Variants in KCNB2 observed in about 807,000 individuals in gnomAD.
KCNB2 encodes potassium voltage-gated channel subfamily B member 2.
Under a neutral mutation model 61.5 loss-of-function variants are expected in KCNB2, and 15 were observed. That is an observed-to-expected ratio of 0.24 (90% CI 0.16 to 0.38). The LOEUF (loss-of-function observed/expected upper bound fraction) is 0.38, where lower values mean the gene tolerates loss of function less well. KCNB2 is among the 10% of genes least tolerant of loss of function. KCNB2 has a pLI of 1.00. For synonymous variants in KCNB2, 457 were observed against 446.0 expected, an observed-to-expected ratio of 1.02 and a Z score of -0.31; for missense variants, 828 against 1,125.2, an observed-to-expected ratio of 0.74 and a Z score of 3.78.
At chr8:72,777,538 A>C (rs1372174847) in intron 2 of KCNB2, among the ~76,000 whole-genome samples, 1 of 152,172 alleles carries the variant, frequency 6.6e-6, no homozygotes, top group Non-Finnish European at 1.5e-5. Context: ...CTTGGTTTAT[A>C]AACTTGGTGT....
chr8:72,670,173 A>G (rs542040251), intron 2 of KCNB2, among the ~76,000 whole-genome samples: 1 of 152,322 alleles, frequency 6.6e-6, no homozygotes, highest in South Asian at 2.1e-4. Flanking sequence ...CAAGAGATTC[A>G]ATTGTGCTCA....
chr8:72,668,105 G>T (rs1049258736), intron 2 of KCNB2, among the ~76,000 whole-genome samples: 2 of 152,196 alleles, frequency 1.3e-5, no homozygotes, highest in African/African-American at 4.8e-5. Flanking sequence ...GGAGAAACCA[G>T]CCATGAACTT....
chr8:72,829,077 A>G (rs1809646325), intron 2 of KCNB2, among the ~76,000 whole-genome samples: 1 of 152,176 alleles, frequency 6.6e-6, no homozygotes, highest in Non-Finnish European at 1.5e-5. Context: ...TGACCAGAGA[A>G]GATTCTAAAT....
chr8:72,626,110 A>G (rs930174379), intron 2 of KCNB2, among the ~76,000 whole-genome samples: 1 of 152,232 alleles, frequency 6.6e-6, no homozygotes, highest in Non-Finnish European at 1.5e-5. Context: ...TCAAAGTCAC[A>G]TTCATGAACA....
At chr8:72,659,925 T>G (rs1007685647) in intron 2 of KCNB2, among the ~76,000 whole-genome samples, 8 of 152,232 alleles carry the variant, frequency 5.3e-5, no homozygotes, top group Admixed American at 1.3e-4. Flanking sequence ...CTTTAATGTA[T>G]TTTTACTTTA....
chr8:72,579,285 A>T (rs924918014), intron 2 of KCNB2, among the ~76,000 whole-genome samples: 3 of 152,070 alleles, frequency 2.0e-5, no homozygotes, highest in African/African-American at 7.2e-5. Context: ...ATCAGACTTC[A>T]TATTTATTTT....
intron 2 of KCNB2, among the ~76,000 whole-genome samples, chr8:72,598,578 A>T (rs897370645): frequency 8.5e-5 from 13 of 152,198 alleles, no homozygotes; most frequent in African/African-American, 3.1e-4. Flanking sequence ...CCTATTCAAC[A>T]TAGTGTTGGA....
At chr8:72,718,277 C>G (rs2128992500) in intron 2 of KCNB2, among the ~76,000 whole-genome samples, 1 of 152,272 alleles carries the variant, frequency 6.6e-6, no homozygotes, top group South Asian at 2.1e-4. Context: ...GGATCTAGAA[C>G]TAGAAATACC....
Position 72,561,790 on chromosome 8 carries a change from C to CAT in KCNB2, c.-93-5839_-93-5838dup, listed in dbSNP as rs11469723. On this transcript the variant is annotated intron_variant, in intron 1 of 2. Coordinates refer to ENST00000523207, the MANE Select transcript of KCNB2 (RefSeq NM_004770.3). The stretch of plus-strand genomic sequence containing the variant: ...ATATATATATATGGATATATATATA[C>CAT]ATATATATATATATGAATGATAGTT... Among the ~76,000 whole-genome samples, 58 of 40,368 alleles carry CAT rather than the reference C, an allele frequency of 1.4e-3. 7 individuals carry two copies. Among genetic ancestry groups the CAT allele is most frequent in the African/African-American group, 4.5e-3 (38 of 8,414 alleles). 26.5% of individuals were successfully genotyped at this position (40,368 alleles called of 152,430 possible).
intron 2 of KCNB2, among the ~76,000 whole-genome samples, chr8:72,817,850 T>C (rs1809427681): frequency 6.6e-6 from 1 of 152,172 alleles, no homozygotes; most frequent in South Asian, 2.1e-4. Context: ...AATGTTTTTA[T>C]GCTCATTCTC....
chr8:72,643,258 G>A (rs1036640621), intron 2 of KCNB2, among the ~76,000 whole-genome samples: 1 of 152,154 alleles, frequency 6.6e-6, no homozygotes, highest in African/African-American at 2.4e-5. Context: ...CGAACTTCTC[G>A]TATGTGCCAG....
chr8:72,839,607 T>C (rs1809843917), intron 2 of KCNB2, among the ~76,000 whole-genome samples: 1 of 39,404 alleles, frequency 2.5e-5, no homozygotes, highest in Non-Finnish European at 5.3e-5. Context: ...TTCTTTTTTT[T>C]TTTTTTTTTT....
chr8:72,680,187 A>T (rs1194595428), intron 2 of KCNB2, among the ~76,000 whole-genome samples: 1 of 152,194 alleles, frequency 6.6e-6, no homozygotes, highest in Non-Finnish European at 1.5e-5. Flanking sequence ...CCTGTGCTAC[A>T]GGGAATGAAC....
At chr8:72,631,362 T>C (rs964759155) in intron 2 of KCNB2, among the ~76,000 whole-genome samples, 1 of 152,228 alleles carries the variant, frequency 6.6e-6, no homozygotes, top group Non-Finnish European at 1.5e-5. Context: ...AATCTGTTTA[T>C]GCCTCTCTCC....
At chr8:72,795,826 T>G (rs963947536) in intron 2 of KCNB2, among the ~76,000 whole-genome samples, 1 of 152,176 alleles carries the variant, frequency 6.6e-6, no homozygotes, top group African/African-American at 2.4e-5. Flanking sequence ...AACATATTCC[T>G]GTTATTCTTC....
chr8:72,589,549 C>T (rs1563531812), intron 2 of KCNB2, among the ~76,000 whole-genome samples: 1 of 152,146 alleles, frequency 6.6e-6, no homozygotes, highest in Non-Finnish European at 1.5e-5. Flanking sequence ...GGATACTCTA[C>T]TTCCTGCCAT....
At chr8:72,862,111 G>A (rs1397251671) in intron 2 of KCNB2, among the ~76,000 whole-genome samples, 1 of 152,150 alleles carries the variant, frequency 6.6e-6, no homozygotes, top group East Asian at 1.9e-4. Context: ...CAGGCTGATG[G>A]ACAGAGCAAG....
In KCNB2 at chr8:72,617,028, A is replaced by G. The variant is rs11990575; in HGVS notation, c.579+48715A>G. ...CACACCTCGAGCCAGGTGTCTGCTC[A>G]ATTGTGATTTATGCAAGCCAGTTCC... On this transcript the variant is annotated intron_variant, in intron 2 of 2. Transcript: ENST00000523207. 5.7e-3 allele frequency among the ~76,000 whole-genome samples: 866 copies of G among 152,240 alleles called. 2 individuals carry two copies. The highest frequency in any genetic ancestry group is 0.02 in the African/African-American group (824 of 41,548).
rs531501429 is a variant in KCNB2, at chr8:72,794,422, G to A, written c.580-141513G>A. ...TCTACTAAAATACAAAAAATTAGCCGGGCGTGGTGGCACGTGCCTGTAATC... is the reference window on the plus strand; with the variant it reads ...TCTACTAAAATACAAAAAATTAGCCAGGCGTGGTGGCACGTGCCTGTAATC... On this transcript the variant is annotated intron_variant, in intron 2 of 2. Transcript: ENST00000523207. 1.5e-4 allele frequency among the ~76,000 whole-genome samples: 23 copies of A among 152,040 alleles called. No individual in the cohort carries two copies. In the East Asian group the frequency reaches 2.1e-3, roughly 14 times the overall value.
Sources: allele counts gnomAD v4.1 joint callset (sites outside exome capture counted in the v4.1 genomes callset), GRCh38; gene constraint gnomAD v4.1.1; transcripts MANE v1.5; gene names NCBI Gene and HGNC (gene_info 2026-07-23, HGNC 2026-07-21).